Variants in IL12RB2 observed in about 807,000 individuals in gnomAD.
The protein encoded by IL12RB2 is interleukin 12 receptor subunit beta 2, also known as interleukin-12 receptor subunit beta-2.
IL12RB2 carries 82 observed loss-of-function variants against 89.4 expected under a neutral mutation model. The observed-to-expected ratio is 0.92, with a 90% CI of 0.77 to 1.10. The LOEUF (loss-of-function observed/expected upper bound fraction) is 1.10, where lower values mean the gene tolerates loss of function less well. IL12RB2 is among the 50% of genes least tolerant of loss of function. The pLI is 0.00. For synonymous variants in IL12RB2, 368 were observed against 370.1 expected (o/e 0.99, Z 0.07); for missense variants, 963 against 1,031.9 (o/e 0.93, Z 0.92).
In IL12RB2 at chr1:67,372,732, T is replaced by C; in HGVS notation, c.1666T>C (p.Tyr556His). ...GGAGCAAATGGGCTGCCTCCTCCAT[T>C]ATAGGATATACTGGAAGGAACGGGA... ...VQEQMGCLLH[Y>H]RIYWKERDSN... is the part of the protein sequence containing the mutation. The change falls in exon 13 of 17, where the codon TAT (tyrosine) becomes CAT (histidine). Residue 556 changes from tyrosine to histidine, a missense_variant. Physicochemically the swap from Tyr to His is moderately conservative, Grantham distance 83 (BLOSUM62 2). Transcript: ENST00000674203. 2.5e-6 allele frequency: 4 copies of C among 1,607,940 alleles called. No homozygotes were observed. Among genetic ancestry groups the C allele is most frequent in the Non-Finnish European group, 2.6e-6 (3 of 1,174,394 alleles).
intron 2 of IL12RB2, among the ~76,000 whole-genome samples, chr1:67,318,476 T>C (rs1450908682): frequency 6.6e-6 from 1 of 151,842 alleles, no homozygotes; most frequent in African/African-American, 2.4e-5. Flanking sequence ...ATGACAGTGG[T>C]TTGGACTAGG....
intron 13 of IL12RB2, 29 bp from the exon 14 acceptor site, chr1:67,379,957 A>G (rs761367026): frequency 5.4e-5 from 83 of 1,543,166 alleles, no homozygotes; most frequent in Non-Finnish European, 7.3e-5. Context: ...CCTTTAATAC[A>G]TGCCTTTCTT....
chr1:67,367,053 C>G (rs2100977210), intron 10 of IL12RB2, among the ~76,000 whole-genome samples: 1 of 152,152 alleles, frequency 6.6e-6, no homozygotes, highest in East Asian at 1.9e-4. Context: ...AGAAAGATGT[C>G]TAATATATTC....
chr1:67,358,680 A>C (rs1156827263), intron 10 of IL12RB2, among the ~76,000 whole-genome samples: 1 of 152,156 alleles, frequency 6.6e-6, no homozygotes, highest in Non-Finnish European at 1.5e-5. Flanking sequence ...AAAGAGAGAG[A>C]GAGAGAAGAT....
intron 13 of IL12RB2, among the ~76,000 whole-genome samples, chr1:67,377,980 A>T (rs1664158380): frequency 6.6e-6 from 1 of 151,772 alleles, no homozygotes; most frequent in South Asian, 2.1e-4. Context: ...ACAAAAATCA[A>T]CCAGGCATGA....
chr1:67,392,807 A>AT (rs945517503), intron 16 of IL12RB2, among the ~76,000 whole-genome samples: 3 of 150,554 alleles, frequency 2.0e-5, no homozygotes, highest in Non-Finnish European at 4.4e-5. Flanking sequence ...ATTTTTTTGT[A>AT]TTTTTTTAGT....
chr1:67,383,091 C>T (rs1029883228), intron 14 of IL12RB2, among the ~76,000 whole-genome samples: 2 of 152,104 alleles, frequency 1.3e-5, no homozygotes, highest in Non-Finnish European at 2.9e-5. Flanking sequence ...ATTCACAGTT[C>T]CACAGGGCTG....
At chr1:67,357,003 A>G (rs1363904102) in intron 10 of IL12RB2, among the ~76,000 whole-genome samples, 1 of 152,196 alleles carries the variant, frequency 6.6e-6, no homozygotes, top group African/African-American at 2.4e-5. Context: ...CAGAGTCAGC[A>G]TGGAATGTTT....
At chr1:67,350,266 C>G (rs561607451) in intron 9 of IL12RB2, among the ~76,000 whole-genome samples, 1 of 152,246 alleles carries the variant, frequency 6.6e-6, no homozygotes, top group African/African-American at 2.4e-5. Context: ...CCCAAATGAT[C>G]TCAATTGGAA....
intron 9 of IL12RB2, among the ~76,000 whole-genome samples, chr1:67,345,674 G>A (rs1212775571): frequency 6.6e-6 from 1 of 152,118 alleles, no homozygotes; most frequent in African/African-American, 2.4e-5. Context: ...AGATTGTTTC[G>A]TTGCAATATT....
intron 11 of IL12RB2, among the ~76,000 whole-genome samples, chr1:67,370,802 C>T (rs1663220390): frequency 1.3e-5 from 2 of 152,068 alleles, no homozygotes; most frequent in Non-Finnish European, 2.9e-5. Flanking sequence ...AAGAAGCTTG[C>T]TAGGAGGGCT....
chr1:67,309,988 A>G (rs2100488998), intron 1 of IL12RB2, among the ~76,000 whole-genome samples: 1 of 152,110 alleles, frequency 6.6e-6, no homozygotes, highest in Admixed American at 6.5e-5. Context: ...TAGCCTGACC[A>G]ACATGGCGAA....
rs1458340764 is a variant in IL12RB2, at chr1:67,380,129, A to G, written c.1855+6A>G. The stretch of plus-strand genomic sequence containing the variant: ...GAGGGAATTTTGTCTGCAAGGTGAG[A>G]GGCAGTGTTAAGGATGATGAGTCCA... On this transcript the variant is annotated splice_donor_region_variant and intron_variant, in intron 14 of 16. Transcript: ENST00000674203. 6.2e-7 allele frequency: 1 copy of G among 1,614,130 alleles called. No individual in the cohort carries two copies. Among genetic ancestry groups the G allele is most frequent in the Non-Finnish European group, 8.5e-7 (1 of 1,179,968 alleles).
At chr1:67,375,119 G>C (rs998384324) in intron 13 of IL12RB2, among the ~76,000 whole-genome samples, 1 of 152,078 alleles carries the variant, frequency 6.6e-6, no homozygotes, top group Non-Finnish European at 1.5e-5. Context: ...AGGAGGCTGG[G>C]CATGGTGGCT....
chr1:67,379,186 G>C (rs1037043700), intron 13 of IL12RB2, among the ~76,000 whole-genome samples: 13 of 151,730 alleles, frequency 8.6e-5, no homozygotes, highest in Non-Finnish European at 8.8e-5. Context: ...GACAGAGCAA[G>C]ACTCCATCTC....
Position 67,372,851 on chromosome 1 carries a change from T to A in IL12RB2, c.1717+68T>A. ...TGGATGTCAGGAAAACACAAGGAGG[T>A]GTGTGTGCACATCTACACACATGTG... On this transcript the variant is annotated intron_variant, in intron 13 of 16. Transcript: ENST00000674203. 11 of 1,046,878 alleles carry A rather than the reference T, an allele frequency of 1.1e-5. No homozygotes were observed. In the South Asian group the frequency reaches 1.4e-4, roughly 13 times the overall value. 64.8% of individuals were successfully genotyped at this position (1,046,878 alleles called of 1,614,324 possible).
chr1:67,319,952 G>A (rs539755980), intron 2 of IL12RB2, among the ~76,000 whole-genome samples: 6 of 152,248 alleles, frequency 3.9e-5, no homozygotes, highest in African/African-American at 1.4e-4. Flanking sequence ...AACCGTCTAT[G>A]AAGTGGACCC....
At position 67,395,889 on chromosome 1, in the gene IL12RB2, C is replaced by T. The variant is rs1352512868; in HGVS notation, c.2389C>T (p.His797Tyr). Residue 797 changes from histidine (H) to tyrosine (Y), a missense_variant, in exon 17 of 17, where the codon CAT (histidine) becomes TAT (tyrosine). By Grantham distance (83) the His-to-Tyr change is moderately conservative. Transcript: ENST00000674203. Reference sequence around the variant, plus strand: ...GCTCCCAGCAGGTGACCTTCCCACCCATGATGGCTACTTACCCTCCAACAT... The same window carrying T: ...GCTCCCAGCAGGTGACCTTCCCACCTATGATGGCTACTTACCCTCCAACAT... The part of the protein sequence containing the change: ...TVLPAGDLPT[H>Y]DGYLPSNIDD... 6.2e-7 allele frequency: 1 copy of T among 1,608,460 alleles called. No homozygotes were observed. The highest frequency in any genetic ancestry group is 8.5e-7 in the Non-Finnish European group (1 of 1,175,288).
At chr1:67,379,353 T>C (rs1465436628) in intron 13 of IL12RB2, among the ~76,000 whole-genome samples, 1 of 149,488 alleles carries the variant, frequency 6.7e-6, no homozygotes, top group African/African-American at 2.5e-5. Context: ...CTACTAAAAA[T>C]ACAAAAATTA....
Sources: gnomAD v4.1 joint callset for allele counts (sites outside exome capture counted in the v4.1 genomes callset) on GRCh38, gnomAD v4.1.1 for gene constraint, MANE v1.5 for transcripts, NCBI Gene and HGNC (gene_info 2026-07-23, HGNC 2026-07-21) for gene names.